The following BRWD1 variants were observed in gnomAD, a reference collection of about 807,000 sequenced individuals.
The protein encoded by BRWD1 is bromodomain and WD repeat domain containing 1.
In BRWD1, 82 loss-of-function variants were observed where a neutral mutation model predicts 251.2. The ratio of observed to expected loss-of-function variants is 0.33; its 90% CI spans 0.27 to 0.39. The LOEUF is 0.39. Among genes scored for constraint, BRWD1 ranks in the 10% least tolerant of loss-of-function variants. The probability of loss-of-function intolerance (pLI) is 1.00; values close to 1 mark genes in which losing one functional copy is unlikely to be tolerated. For synonymous variants in BRWD1, 918 were observed against 902.8 expected, an observed-to-expected ratio of 1.02 and a Z score of -0.30; for missense variants, 2,233 against 2,711.6, an observed-to-expected ratio of 0.82 and a Z score of 3.92.
chr21:39,263,572 G>A (rs1453062257), intron 17 of BRWD1, among the ~76,000 whole-genome samples: 1 of 152,066 alleles, frequency 6.6e-6, no homozygotes, highest in Admixed American at 6.6e-5. Context: ...TAAATAAAGG[G>A]GTGAGCAATA....
At chr21:39,301,706 G>A (rs1480103306) in intron 4 of BRWD1, among the ~76,000 whole-genome samples, 1 of 151,876 alleles carries the variant, frequency 6.6e-6, no homozygotes, top group East Asian at 1.9e-4. Context: ...TAAATTTTGG[G>A]GTAATTTGTT....
At position 39,276,218 on chromosome 21, in the gene BRWD1, AG is replaced by A. The variant is rs767923576; in HGVS notation, c.1105-6del. 11 of 1,594,050 alleles carry A rather than the reference AG, an allele frequency of 6.9e-6. No individual in the cohort carries two copies. Among genetic ancestry groups the A allele is most frequent in the Non-Finnish European group, 7.7e-6 (9 of 1,167,174 alleles). Reference sequence around the variant, plus strand: ...TTGGATACTATCTACTTTATCCTAAAGGGGGGAAAAGGACAAATACAAAAAT... The same window carrying A: ...TTGGATACTATCTACTTTATCCTAAAGGGGGAAAAGGACAAATACAAAAAT... On this transcript the variant is annotated splice_polypyrimidine_tract_variant and splice_region_variant and intron_variant, in intron 11 of 40. Coordinates refer to ENST00000342449, the MANE Select transcript of BRWD1 (RefSeq NM_033656.4).
In BRWD1 at chr21:39,272,068, CAAA is replaced by C. The variant is rs374454252; in HGVS notation, c.1245-1638_1245-1636del. On this transcript the variant is annotated intron_variant, in intron 13 of 40. Transcript: ENST00000342449. ...TATAAAACAGCTATCTATGTAATTA[CAAA>C]AAAAAAACACACAGAAGAGAGAATA... Among the ~76,000 whole-genome samples the C allele has an allele frequency of 9.5e-5, 12 of 126,440 alleles. No homozygotes were observed. The South Asian group carries it at 1.0e-3, about 11-fold the overall frequency. 82.9% of individuals were successfully genotyped at this position (126,440 alleles called of 152,430 possible).
chr21:39,240,624 T>A (rs1259760624), intron 21 of BRWD1, among the ~76,000 whole-genome samples: 1 of 152,186 alleles, frequency 6.6e-6, no homozygotes, highest in African/African-American at 2.4e-5. Context: ...TAACTGCCCA[T>A]AACCAGGAGA....
intron 7 of BRWD1, 32 bp from the exon 8 acceptor site, chr21:39,294,064 AG>A: frequency 1.3e-5 from 20 of 1,554,618 alleles, no homozygotes; most frequent in Non-Finnish European, 1.8e-5. Flanking sequence ...AATTAATGTT[AG>A]TACAGCAAAT....
intron 4 of BRWD1, among the ~76,000 whole-genome samples, chr21:39,307,352 T>G (rs959124097): frequency 6.6e-6 from 1 of 152,184 alleles, no homozygotes; most frequent in Non-Finnish European, 1.5e-5. Context: ...TTTTTTTTAC[T>G]CTATCAAACA....
Position 39,236,693 on chromosome 21 carries a change from G to A in BRWD1, c.2668C>T (p.Arg890Ter). 2.5e-6 allele frequency: 4 copies of A among 1,613,868 alleles called. No homozygotes were observed. Among genetic ancestry groups the A allele is most frequent in the Non-Finnish European group, 3.4e-6 (4 of 1,179,864 alleles). The change falls in exon 23 of 41, where the codon CGA becomes TGA. Residue 890 changes from arginine (R) to a stop codon, truncating the protein, a stop_gained. Transcript: ENST00000342449. LOFTEE classifies it high-confidence loss of function. ...TCATCTTCTGAACTACTACAAAATC[G>A]AGTAATTCGTCGACGACATGATGTT... ...LRTSCRRRITRFCSSSEDEIS... is the reference protein window; with the variant it reads ...LRTSCRRRIT
rs75200360 is a variant in BRWD1 at position 39,229,667 on chromosome 21, T to C, written c.3001-231A>G. On this transcript the variant is annotated intron_variant, in intron 25 of 40. Transcript: ENST00000342449. ...GAAAATACATTACAAAAGTGTAAGATTGAAAACACAAATCTCGGATTAGCG... is the reference window on the plus strand; with the variant it reads ...GAAAATACATTACAAAAGTGTAAGACTGAAAACACAAATCTCGGATTAGCG... 2.3e-3 allele frequency among the ~76,000 whole-genome samples: 351 copies of C among 152,304 alleles called. 2 individuals are homozygous for C. Among genetic ancestry groups the C allele is most frequent in the African/African-American group, 8.0e-3 (331 of 41,566 alleles).
At chr21:39,223,004 T>A (rs2146529611) in intron 29 of BRWD1, among the ~76,000 whole-genome samples, 1 of 152,148 alleles carries the variant, frequency 6.6e-6, no homozygotes, top group South Asian at 2.1e-4. Flanking sequence ...TAATGGAAAT[T>A]CTATAAAATA....
At chr21:39,280,289 T>C in intron 8 of BRWD1, 41 bp from the exon 9 acceptor site, 2 of 1,458,686 alleles carry the variant, frequency 1.4e-6, no homozygotes, top group Non-Finnish European at 1.9e-6. Context: ...CCAGAACTTC[T>C]ACTTAAGTTA....
intron 29 of BRWD1, among the ~76,000 whole-genome samples, chr21:39,223,676 G>C (rs557506322): frequency 6.6e-6 from 1 of 152,148 alleles, no homozygotes; most frequent in Admixed American, 6.6e-5. Flanking sequence ...TAGCACTGGA[G>C]GACAGGCTGG....
intron 4 of BRWD1, among the ~76,000 whole-genome samples, chr21:39,310,046 G>T (rs28360661): frequency 6.6e-6 from 1 of 152,030 alleles, no homozygotes; most frequent in Non-Finnish European, 1.5e-5. Context: ...AAAAACAAGG[G>T]AGCAGACAAT....
chr21:39,298,895 A>C (rs982189344), intron 4 of BRWD1, among the ~76,000 whole-genome samples: 3 of 152,178 alleles, frequency 2.0e-5, no homozygotes, highest in Admixed American at 1.3e-4. Context: ...AACAAAACTT[A>C]ATCTCAAGAC....
Position 39,199,075 on chromosome 21 carries a change from T to C in BRWD1, c.5341A>G (p.Lys1781Glu). The change falls in exon 40 of 41, where the codon AAA becomes GAA. Residue 1781 changes from lysine to glutamate, a missense_variant. Physicochemically the swap from Lys to Glu is moderately conservative, Grantham distance 56. Transcript: ENST00000342449. ...TCTGAGATGCTCTCTGCCTTAAGTT[T>C]CTGCACAGACGTTGATGGGCCAGCA... is the stretch of plus-strand genomic sequence containing the variant. ...RTAGPSTSVQKLKAESISEEA... is the reference protein window; with the variant it reads ...RTAGPSTSVQELKAESISEEA... 6.2e-7 allele frequency: 1 copy of C among 1,614,206 alleles called. No homozygotes were observed.
At chr21:39,207,484 A>AC (rs1555849299) in intron 36 of BRWD1, among the ~76,000 whole-genome samples, 62,535 of 140,948 alleles carry the variant, frequency 0.44, 14,119 homozygotes, top group Admixed American at 0.51. Flanking sequence ...ACACACACAC[A>AC]AACAAAACTC....
chr21:39,295,972 T>C (rs116637607), intron 6 of BRWD1, 69 bp from the exon 7 acceptor site: 1 of 1,327,670 alleles, frequency 7.5e-7, no homozygotes, highest in Non-Finnish European at 1.0e-6. Flanking sequence ...AAAACTCAAA[T>C]AACAATTTCT....
At chr21:39,317,885 C>T (rs911629197), upstream of BRWD1, among the ~76,000 whole-genome samples, 1 of 152,130 alleles carries the variant, frequency 6.6e-6, no homozygotes, top group Non-Finnish European at 1.5e-5. Flanking sequence ...CCTCTCTCTA[C>T]AAAAAATTAA....
In BRWD1 at chr21:39,200,623, G is replaced by A. The variant is rs896418748; in HGVS notation, c.4586-237C>T. The stretch of plus-strand genomic sequence containing the variant: ...TTTAATTATATTTCTAAAAATAACA[G>A]ATTAATCCTAGTGTAGATTTACAAA... On this transcript the variant is annotated intron_variant, in intron 38 of 40. Transcript: ENST00000342449. 5 of 296,848 alleles carry A rather than the reference G, an allele frequency of 1.7e-5. No homozygotes were observed. In the East Asian group the frequency reaches 3.3e-4, roughly 20 times the overall value. 18.4% of individuals were successfully genotyped at this position (296,848 alleles called of 1,614,324 possible).
At chr21:39,231,091 T>A (rs368304236) in intron 25 of BRWD1, among the ~76,000 whole-genome samples, 93 of 152,188 alleles carry the variant, frequency 6.1e-4, no homozygotes, top group African/African-American at 2.2e-3. Context: ...AGCCATTAAG[T>A]TGAATATAAG....
Sources: gnomAD v4.1 joint callset for allele counts (sites outside exome capture counted in the v4.1 genomes callset) on GRCh38, gnomAD v4.1.1 for gene constraint, MANE v1.5 for transcripts, NCBI Gene and HGNC (gene_info 2026-07-23, HGNC 2026-07-21) for gene names.